The following MAOB variants were observed in gnomAD, a reference collection of about 807,000 sequenced individuals.
MAOB encodes the protein amine oxidase [flavin-containing] B.
MAOB carries 15 observed loss-of-function variants against 41.9 expected under a neutral mutation model. The ratio of observed to expected loss-of-function variants is 0.36; its 90% confidence interval spans 0.24 to 0.55. The LOEUF (loss-of-function observed/expected upper bound fraction) is 0.55. Among genes scored for constraint, MAOB ranks in the 20% least tolerant of loss-of-function variants. The pLI is 0.86. For missense variants in MAOB, 345 were observed against 398.7 expected (o/e 0.87, Z 1.15); for synonymous variants, 167 against 144.2 (o/e 1.16, Z -1.13).
intron 3 of MAOB, 124 bp from the exon 4 acceptor site, chrX:43,803,528 A>G: frequency 1.1e-6 from 1 of 936,100 alleles, no homozygotes; most frequent in Non-Finnish European, 1.4e-6. Context: ...TATACACTCA[A>G]CTTTTTAGCT....
chrX:43,810,040 G>C (rs1359858468), intron 3 of MAOB, among the ~76,000 whole-genome samples: 1 of 98,602 alleles, frequency 1.0e-5, no homozygotes, highest in Non-Finnish European at 1.9e-5. Context: ...TCAGGAGATC[G>C]AGACCATCCT....
intron 3 of MAOB, among the ~76,000 whole-genome samples, chrX:43,826,279 C>T (rs368609047): frequency 8.9e-6 from 1 of 111,970 alleles, no homozygotes; most frequent in Non-Finnish European, 1.9e-5. Flanking sequence ...CACTTCTTTT[C>T]CTGTAGGACT....
At chrX:43,806,132 T>C (rs775745138) in intron 3 of MAOB, among the ~76,000 whole-genome samples, 1 of 112,372 alleles carries the variant, frequency 8.9e-6, no homozygotes, top group Admixed American at 9.4e-5. Context: ...TTACATTACA[T>C]GGTACATTGC....
In MAOB at chrX:43,831,363, G is replaced by T. The variant is rs138011621; in HGVS notation, c.279+7505C>A. The stretch of plus-strand genomic sequence containing the variant: ...GAGGAGCTCTTTATAAAATGTTTTG[G>T]CAGTACTAAAAAGTACAAAGAAGAA... On this transcript the variant is annotated intron_variant, in intron 3 of 14. Transcript: ENST00000378069. 3.0e-3 allele frequency among the ~76,000 whole-genome samples: 327 copies of T among 110,675 alleles called. 2 individuals are homozygous for T. The highest frequency in any genetic ancestry group is 0.01 in the African/African-American group (311 of 30,468).
chrX:43,855,611 T>C (rs1356050264), intron 1 of MAOB, among the ~76,000 whole-genome samples: 1 of 111,720 alleles, frequency 9.0e-6, no homozygotes, highest in Admixed American at 9.5e-5. Context: ...ATAACTGTAG[T>C]TAGAGAACAA....
chrX:43,834,278 A>G (rs146677109), intron 3 of MAOB, among the ~76,000 whole-genome samples: 2 of 111,323 alleles, frequency 1.8e-5, no homozygotes, highest in African/African-American at 6.5e-5. Context: ...TGAGAGAAGC[A>G]AGTGTATTCT....
intron 1 of MAOB, 48 bp from the exon 2 acceptor site, chrX:43,843,812 G>A (rs1417269954): frequency 5.0e-6 from 6 of 1,196,052 alleles, no homozygotes; most frequent in Non-Finnish European, 5.6e-6. Context: ...AAGGATGCCA[G>A]ACAAGCTCCT....
At chrX:43,782,921 G>A (rs762196663) in intron 8 of MAOB, among the ~76,000 whole-genome samples, 78 of 111,580 alleles carry the variant, frequency 7.0e-4, no homozygotes, top group African/African-American at 2.4e-3. Flanking sequence ...TGCAGAAAAG[G>A]CCTTCGATAA....
chrX:43,768,807 G>A, intron 13 of MAOB, 91 bp from the exon 14 acceptor site: 3 of 774,674 alleles, frequency 3.9e-6, no homozygotes, highest in Non-Finnish European at 2.0e-6. Flanking sequence ...TGTCTCTTGA[G>A]ATATCCATCA....
intron 8 of MAOB, among the ~76,000 whole-genome samples, chrX:43,784,747 C>G (rs967331219): frequency 3.6e-5 from 4 of 112,203 alleles, no homozygotes; most frequent in African/African-American, 1.3e-4. Context: ...ATAGAGACAG[C>G]CTGTCCTTTG....
chrX:43,870,333 A>AGAGT (rs1176376735), intron 1 of MAOB, among the ~76,000 whole-genome samples: 34 of 112,003 alleles, frequency 3.0e-4, no homozygotes, highest in African/African-American at 1.1e-3. Context: ...ATCAGCACAC[A>AGAGT]GAGTGGTAAG....
chrX:43,877,343 C>T (rs2035446390), intron 1 of MAOB, among the ~76,000 whole-genome samples: 2 of 110,294 alleles, frequency 1.8e-5, no homozygotes, highest in African/African-American at 6.6e-5. Context: ...CTTCTGAGGA[C>T]ACATGGGGGC....
At chrX:43,850,651 T>C (rs1285949868) in intron 1 of MAOB, among the ~76,000 whole-genome samples, 1 of 111,591 alleles carries the variant, frequency 9.0e-6, no homozygotes, top group African/African-American at 3.3e-5. Flanking sequence ...AAAGAGAAAA[T>C]AGACTCCAAG....
chrX:43,839,037 T>A (rs763524832), intron 2 of MAOB, 32 bp from the exon 3 acceptor site: 81 of 1,076,243 alleles, frequency 7.5e-5, no homozygotes, highest in South Asian at 2.8e-4. Flanking sequence ...TTAAAAAAAA[T>A]TTGTAAAAAA....
chrX:43,783,596 A>G (rs1228819024), intron 8 of MAOB, among the ~76,000 whole-genome samples: 2 of 112,448 alleles, frequency 1.8e-5, no homozygotes, highest in Non-Finnish European at 3.7e-5. Flanking sequence ...TAATTTAAGC[A>G]TACTTTATTA....
In MAOB at chrX:43,827,214, G is replaced by A. The variant is rs192600366; in HGVS notation, c.279+11654C>T. Among the ~76,000 whole-genome samples, 36 of 111,641 alleles carry A rather than the reference G, an allele frequency of 3.2e-4. 1 individual carries two copies. Among genetic ancestry groups the A allele is most frequent in the Non-Finnish European group, 5.5e-4 (29 of 53,122 alleles). On this transcript the variant is annotated intron_variant, in intron 3 of 14. Transcript: ENST00000378069. ...AAAAACATAACCCCACAATTTAATG[G>A]CTTAAGGCATCACTCTATTATTTTC...
chrX:43,806,226 A>G (rs1235320334), intron 3 of MAOB, among the ~76,000 whole-genome samples: 4 of 111,344 alleles, frequency 3.6e-5, no homozygotes, highest in African/African-American at 1.3e-4. Context: ...TCCACTAACC[A>G]TCCTTTTTCT....
At chrX:43,857,646 A>G (rs1421957867) in intron 1 of MAOB, among the ~76,000 whole-genome samples, 1 of 111,015 alleles carries the variant, frequency 9.0e-6, no homozygotes, top group Non-Finnish European at 1.9e-5. Context: ...TTCCTCCCCA[A>G]TTTCTTGCTG....
At chrX:43,793,704 A>G (rs1226717914) in intron 7 of MAOB, 126 bp from the exon 8 acceptor site, 5 of 559,814 alleles carry the variant, frequency 8.9e-6, no homozygotes, top group Non-Finnish European at 1.4e-5. Flanking sequence ...GATTTTGTCG[A>G]AACCTAAAGT....
Sources: gnomAD v4.1 joint callset for allele counts (sites outside exome capture counted in the v4.1 genomes callset) on GRCh38, gnomAD v4.1.1 for gene constraint, MANE v1.5 for transcripts, NCBI Gene and HGNC (gene_info 2026-07-23, HGNC 2026-07-21) for gene names.